POTEE: variants seen among roughly 807,000 people sequenced by gnomAD.
POTEE encodes the protein POTE ankyrin domain family member E.
POTEE carries 21 observed loss-of-function variants against 74.2 expected under a neutral mutation model. The observed-to-expected ratio is 0.28, with a 90% CI of 0.20 to 0.41. POTEE has a LOEUF of 0.41. POTEE is among the 10% of genes least tolerant of loss of function. POTEE has a pLI of 1.00. For missense variants in POTEE, 525 were observed against 1,158.6 expected (o/e 0.45, Z 7.94); for synonymous variants, 211 against 432.8 (o/e 0.49, Z 6.36).
chr2:131,231,738 T>C (rs1448139544), intron 9 of POTEE, among the ~76,000 whole-genome samples: 3 of 152,060 alleles, frequency 2.0e-5, no homozygotes, highest in Non-Finnish European at 4.4e-5. Flanking sequence ...ATAATAAATA[T>C]ACAAATTGCC....
At chr2:131,222,388 G>A (rs78219498) in intron 4 of POTEE, among the ~76,000 whole-genome samples, 5,635 of 108,704 alleles carry the variant, frequency 0.052, 242 homozygotes, top group African/African-American at 0.17. Context: ...GAGGGAAGCA[G>A]CACACACTGG....
intron 9 of POTEE, among the ~76,000 whole-genome samples, chr2:131,232,943 C>T (rs1256929288): frequency 6.6e-6 from 1 of 151,954 alleles, no homozygotes; most frequent in Non-Finnish European, 1.5e-5. Flanking sequence ...TGGGTCACAC[C>T]ACATGCTCAT....
intron 9 of POTEE, 123 bp downstream of exon 9, chr2:131,231,029 A>G: frequency 1.3e-6 from 1 of 760,260 alleles, no homozygotes; most frequent in South Asian, 1.8e-5. Flanking sequence ...TTTCAGGATT[A>G]TTCAATCATG....
intron 9 of POTEE, among the ~76,000 whole-genome samples, chr2:131,235,792 CAAAAAAAAAAAAAAAAAAAA>C (rs1203876832): frequency 1.3e-5 from 1 of 79,144 alleles, no homozygotes; most frequent in African/African-American, 5.6e-5. Flanking sequence ...GACCCTGGCT[CAAAAAAAAAAAAAAAAAAAA>C]AGAAAGAAAA....
intron 2 of POTEE, among the ~76,000 whole-genome samples, chr2:131,212,998 TC>T (rs1700388083): frequency 6.6e-6 from 1 of 150,402 alleles, no homozygotes; most frequent in South Asian, 2.1e-4. Context: ...CTCGCTCTTG[TC>T]CCCCAGGCTG....
intron 4 of POTEE, among the ~76,000 whole-genome samples, chr2:131,222,993 T>C (rs1486315703): frequency 1.3e-5 from 2 of 151,778 alleles, no homozygotes; most frequent in East Asian, 3.9e-4. Context: ...CAAATTATAG[T>C]AAATCATGAA....
intron 2 of POTEE, among the ~76,000 whole-genome samples, chr2:131,216,274 A>G (rs1285476116): frequency 2.0e-5 from 3 of 152,136 alleles, no homozygotes; most frequent in Non-Finnish European, 4.4e-5. Context: ...AAAGCATTCT[A>G]CAGATTAAAT....
At chr2:131,220,615 G>T (rs906609609) in intron 4 of POTEE, among the ~76,000 whole-genome samples, 3 of 152,070 alleles carry the variant, frequency 2.0e-5, no homozygotes, top group African/African-American at 7.2e-5. Flanking sequence ...CCTGGTAGAA[G>T]AAGGAATGTA....
intron 2 of POTEE, among the ~76,000 whole-genome samples, 173 bp downstream of exon 2, chr2:131,211,356 G>T (rs1351390827): frequency 6.6e-6 from 1 of 151,632 alleles, no homozygotes; most frequent in Admixed American, 6.6e-5. Flanking sequence ...CTGGGGTGGG[G>T]AGGAACCTGC....
intron 9 of POTEE, among the ~76,000 whole-genome samples, chr2:131,235,661 A>G (rs1165097830): frequency 2.0e-5 from 3 of 151,898 alleles, no homozygotes; most frequent in South Asian, 2.1e-4. Flanking sequence ...GCATGATGGT[A>G]CATGCCTGTA....
intron 4 of POTEE, among the ~76,000 whole-genome samples, chr2:131,222,340 T>C (rs1416916165): frequency 1.6e-4 from 24 of 152,112 alleles, no homozygotes; most frequent in African/African-American, 4.1e-4. Flanking sequence ...TTCTTACTTA[T>C]AGGTGGGAGC....
At chr2:131,220,974 GAAAA>G (rs1200075899) in intron 4 of POTEE, among the ~76,000 whole-genome samples, 2 of 116,292 alleles carry the variant, frequency 1.7e-5, no homozygotes, top group Non-Finnish European at 2.0e-5. Context: ...AAAAAAAAAA[GAAAA>G]AAAAAAAGGA....
In POTEE at chr2:131,263,514, A is replaced by G; in HGVS notation, c.2059A>G (p.Asn687Asp). 1 of 1,611,618 alleles carries G rather than the reference A, an allele frequency of 6.2e-7. No homozygotes were observed. Among genetic ancestry groups the G allele is most frequent in the Non-Finnish European group, 8.5e-7 (1 of 1,179,596 alleles). The stretch of plus-strand genomic sequence containing the variant: ...GGATATTGAAAGTGTGAAAAAAAAG[A>G]ATGATAATCTTTTAAAGGCTCTACA... ...LEDIESVKKK[N>D]DNLLKALQLN... Residue 687 changes from asparagine to aspartate, a missense_variant, in exon 18 of 18, where the codon AAT becomes GAT. By Grantham distance (23) the Asn-to-Asp change is conservative. Coordinates refer to ENST00000683005, the MANE Select transcript of POTEE (RefSeq NM_001083538.3).
chr2:131,225,394 A>G (rs7419701), intron 6 of POTEE, among the ~76,000 whole-genome samples: 10 of 151,726 alleles, frequency 6.6e-5, no homozygotes, highest in East Asian at 5.8e-4. Context: ...CAACAACAAC[A>G]ACGACAACAA....
intron 4 of POTEE, among the ~76,000 whole-genome samples, chr2:131,220,625 A>G (rs1033837177): frequency 6.6e-6 from 1 of 152,076 alleles, no homozygotes; most frequent in African/African-American, 2.4e-5. Context: ...GAAGGAATGT[A>G]AGTTAGAAGA....
chr2:131,214,690 CAG>C (rs1700416157), intron 2 of POTEE, among the ~76,000 whole-genome samples: 1 of 152,258 alleles, frequency 6.6e-6, no homozygotes, highest in South Asian at 2.1e-4. Flanking sequence ...GTGTTAAAGT[CAG>C]TGGTAAAATA....
chr2:131,225,374 T>A (rs1279366018), intron 6 of POTEE, among the ~76,000 whole-genome samples: 2 of 152,028 alleles, frequency 1.3e-5, no homozygotes, highest in Non-Finnish European at 2.9e-5. Flanking sequence ...TGAGACCCTG[T>A]CTCTAACAAC....
At chr2:131,262,852 G>T (rs1346377274) in intron 17 of POTEE, among the ~76,000 whole-genome samples, 2 of 152,274 alleles carry the variant, frequency 1.3e-5, no homozygotes, top group African/African-American at 2.4e-5. Flanking sequence ...TCGGTAAAAC[G>T]TTCTTCAGTA....
chr2:131,248,519 A>G (rs1239534819), intron 13 of POTEE, among the ~76,000 whole-genome samples: 3 of 151,744 alleles, frequency 2.0e-5, no homozygotes, highest in Admixed American at 6.6e-5. Flanking sequence ...TGCATGTTTA[A>G]TGGAATATTC....
Sources: allele counts gnomAD v4.1 joint callset (sites outside exome capture counted in the v4.1 genomes callset), GRCh38; gene constraint gnomAD v4.1.1; transcripts MANE v1.5; gene names NCBI Gene and HGNC (gene_info 2026-07-23, HGNC 2026-07-21).